The following KIF16B variants were observed in gnomAD, a reference collection of about 807,000 sequenced individuals.
KIF16B encodes kinesin-like protein KIF16B.
Under a neutral mutation model 156.3 loss-of-function variants are expected in KIF16B, and 98 were observed. The ratio of observed to expected loss-of-function variants is 0.63; its 90% CI spans 0.53 to 0.74. KIF16B has a LOEUF of 0.74. Among genes scored for constraint, KIF16B ranks in the 30% least tolerant of loss-of-function variants. The probability of loss-of-function intolerance (pLI) is 0.00; values close to 1 mark genes in which losing one functional copy is unlikely to be tolerated. For synonymous variants in KIF16B, 564 were observed against 583.7 expected, an observed-to-expected ratio of 0.97 and a Z score of 0.49; for missense variants, 1,421 against 1,606.5, an observed-to-expected ratio of 0.88 and a Z score of 1.97.
intron 25 of KIF16B, among the ~76,000 whole-genome samples, chr20:16,274,705 A>G (rs982732426): frequency 4.6e-5 from 7 of 152,238 alleles, no homozygotes; most frequent in African/African-American, 1.7e-4. Flanking sequence ...TAGAGTGTTC[A>G]GCAGTGTTTG....
intron 17 of KIF16B, among the ~76,000 whole-genome samples, chr20:16,396,496 TAA>T (rs1465528868): frequency 1.3e-5 from 2 of 151,778 alleles, no homozygotes; most frequent in Admixed American, 1.3e-4. Flanking sequence ...GTAAAAGATA[TAA>T]AATATAAATA....
At chr20:16,388,020 TTTTC>T (rs2065269114) in intron 17 of KIF16B, among the ~76,000 whole-genome samples, 1 of 152,194 alleles carries the variant, frequency 6.6e-6, no homozygotes, top group Non-Finnish European at 1.5e-5. Context: ...AGACTTGTGA[TTTTC>T]TTTCTGTGAC....
intron 12 of KIF16B, among the ~76,000 whole-genome samples, chr20:16,491,028 A>G (rs1462026826): frequency 6.6e-6 from 1 of 152,214 alleles, no homozygotes; most frequent in Non-Finnish European, 1.5e-5. Flanking sequence ...ATCCTGTGGC[A>G]GAAGCAAAAC....
chr20:16,510,179 T>C (rs1384610163), intron 6 of KIF16B, among the ~76,000 whole-genome samples: 2 of 152,236 alleles, frequency 1.3e-5, no homozygotes. Context: ...TATCTCTTCA[T>C]ACACCAGTTT....
At chr20:16,434,870 C>T (rs1402610701) in intron 12 of KIF16B, among the ~76,000 whole-genome samples, 1 of 152,014 alleles carries the variant, frequency 6.6e-6, no homozygotes, top group East Asian at 1.9e-4. Flanking sequence ...ATTTCTGCAA[C>T]CCTGACTACA....
intron 23 of KIF16B, among the ~76,000 whole-genome samples, chr20:16,348,797 A>G (rs948424052): frequency 6.6e-6 from 1 of 152,248 alleles, no homozygotes; most frequent in Non-Finnish European, 1.5e-5. Flanking sequence ...GCTGTGTTAA[A>G]TACAGGCCAC....
chr20:16,525,049 A>T (rs2069489960), intron 3 of KIF16B, among the ~76,000 whole-genome samples: 1 of 152,174 alleles, frequency 6.6e-6, no homozygotes, highest in South Asian at 2.1e-4. Flanking sequence ...TACGGGAGGG[A>T]TAGCATTAGG....
intron 25 of KIF16B, among the ~76,000 whole-genome samples, chr20:16,280,841 C>CGTGTGTGTGTGTGTGTGT (rs1555833614): frequency 0.013 from 954 of 74,424 alleles, 17 homozygotes; most frequent in African/African-American, 0.042. Context: ...TGCGCGCGCA[C>CGTGTGTGTGTGTGTGTGT]GTGTGTGTGT....
chr20:16,572,294 G>A (rs956432727), intron 1 of KIF16B, among the ~76,000 whole-genome samples: 1 of 152,166 alleles, frequency 6.6e-6, no homozygotes, highest in Admixed American at 6.5e-5. Context: ...GCCCCAATCA[G>A]GCATCAGAAC....
intron 12 of KIF16B, among the ~76,000 whole-genome samples, chr20:16,476,782 C>T (rs2146803268): frequency 6.6e-6 from 1 of 152,230 alleles, no homozygotes; most frequent in Non-Finnish European, 1.5e-5. Context: ...TTTTTTGAGA[C>T]AGAGTCTCGC....
At position 16,276,465 on chromosome 20, in the gene KIF16B, G is replaced by GA. The variant is rs554676108; in HGVS notation, c.3796-3055dup. Among the ~76,000 whole-genome samples the GA allele has an allele frequency of 8.4e-4, 128 of 152,320 alleles. 4 individuals carry two copies. The South Asian group carries it at 0.014, about 17-fold the overall frequency. ...GATTTGACTAATTCTAAACATTACAGAAGAGTTTTCTCTTCGCAAAACAAA... is the reference window on the plus strand; with the variant it reads ...GATTTGACTAATTCTAAACATTACAGAAAGAGTTTTCTCTTCGCAAAACAAA... On this transcript the variant is annotated intron_variant, in intron 25 of 25. Coordinates refer to ENST00000354981, the MANE Select transcript of KIF16B (RefSeq NM_024704.5).
chr20:16,311,558 T>C (rs761620093), intron 25 of KIF16B, among the ~76,000 whole-genome samples: 1 of 152,156 alleles, frequency 6.6e-6, no homozygotes, highest in Admixed American at 6.5e-5. Flanking sequence ...CCTGAAAGCT[T>C]GCTAACACTA....
intron 1 of KIF16B, among the ~76,000 whole-genome samples, chr20:16,555,307 A>T (rs2070807670): frequency 6.6e-6 from 1 of 152,218 alleles, no homozygotes; most frequent in African/African-American, 2.4e-5. Context: ...ACAGAAGAGG[A>T]TATGAGACGA....
rs768809879 is a variant in KIF16B at position 16,379,642 on chromosome 20, A to G, written c.2360T>C (p.Val787Ala). ...QLLRRGEVQW[V>A]EEEKRDLEGI... ...TTCCAGGTCCCTCTTCTCCTCTTCCACCCACTGTACCTCCCCACGCCGCAG... is the reference window on the plus strand; with the variant it reads ...TTCCAGGTCCCTCTTCTCCTCTTCCGCCCACTGTACCTCCCCACGCCGCAG... Residue 787 changes from valine (V) to alanine (A), a missense_variant, in exon 19 of 26, where the codon GTG (valine) becomes GCG (alanine). By Grantham distance (64) the Val-to-Ala change is moderately conservative. Transcript: ENST00000354981. The G allele has an allele frequency of 6.2e-7, 1 of 1,612,528 alleles. No homozygotes were observed. Among genetic ancestry groups the G allele is most frequent in the African/African-American group, 1.3e-5 (1 of 74,350 alleles).
chr20:16,554,782 G>C (rs550200834), intron 1 of KIF16B, among the ~76,000 whole-genome samples: 1 of 152,214 alleles, frequency 6.6e-6, no homozygotes, highest in Non-Finnish European at 1.5e-5. Flanking sequence ...TGGTGTCTCC[G>C]AACTTCCAGG....
At chr20:16,555,509 T>C (rs1234839613) in intron 1 of KIF16B, among the ~76,000 whole-genome samples, 6 of 148,248 alleles carry the variant, frequency 4.0e-5, no homozygotes, top group African/African-American at 1.5e-4. Flanking sequence ...AATCAAGCCA[T>C]AGACCAAAGG....
chr20:16,416,570 T>A (rs774934764), intron 15 of KIF16B, among the ~76,000 whole-genome samples: 3 of 151,998 alleles, frequency 2.0e-5, no homozygotes, highest in African/African-American at 4.8e-5. Flanking sequence ...CACTGGGGCC[T>A]GTTGTGGGAG....
At chr20:16,533,371 T>C (rs1378487679) in intron 1 of KIF16B, among the ~76,000 whole-genome samples, 1 of 152,172 alleles carries the variant, frequency 6.6e-6, no homozygotes, top group Non-Finnish European at 1.5e-5. Flanking sequence ...ACCTAAAACC[T>C]ACAGAATAGG....
At chr20:16,492,157 T>G (rs2068313817) in intron 12 of KIF16B, among the ~76,000 whole-genome samples, 1 of 152,166 alleles carries the variant, frequency 6.6e-6, no homozygotes, top group African/African-American at 2.4e-5. Context: ...TTATGCGCAT[T>G]ACTGGAACAA....
Sources: allele counts gnomAD v4.1 joint callset (sites outside exome capture counted in the v4.1 genomes callset), GRCh38; gene constraint gnomAD v4.1.1; transcripts MANE v1.5; gene names NCBI Gene and HGNC (gene_info 2026-07-23, HGNC 2026-07-21).